CDH13: variants seen among roughly 807,000 people sequenced by gnomAD.
CDH13 encodes the protein cadherin-13.
In CDH13, 24 loss-of-function variants were observed where a neutral mutation model predicts 63.8. The observed-to-expected ratio is 0.38, with a 90% confidence interval of 0.27 to 0.53. The LOEUF is 0.53. Ranked by LOEUF, CDH13 falls within the 20% of genes least tolerant of loss-of-function variation. The probability of loss-of-function intolerance (pLI) is 0.85; values close to 1 mark genes in which losing one functional copy is unlikely to be tolerated. For synonymous variants in CDH13, 503 were observed against 355.3 expected (o/e 1.42, Z -4.67); for missense variants, 1,049 against 903.1 (o/e 1.16, Z -2.07).
chr16:82,942,441 A>T (rs909512251), intron 2 of CDH13, among the ~76,000 whole-genome samples: 6 of 152,196 alleles, frequency 3.9e-5, no homozygotes, highest in African/African-American at 1.4e-4. Context: ...CTATCCTGTT[A>T]TAAGTGCTCT....
rs949367079 is a variant in CDH13 at position 82,685,854 on chromosome 16, G to T, written c.45+58717G>T. On this transcript the variant is annotated intron_variant, in intron 1 of 13. Transcript: ENST00000567109. Reference sequence around the variant, plus strand: ...TCAGAGGTCTTAAAACAGAACCTTTGTTTTAAGCAGAGACAGTCCTCTTTT... The same window carrying T: ...TCAGAGGTCTTAAAACAGAACCTTTTTTTTAAGCAGAGACAGTCCTCTTTT... Among the ~76,000 whole-genome samples the T allele has an allele frequency of 2.8e-4, 42 of 152,178 alleles. 1 individual carries two copies. The highest frequency in any genetic ancestry group is 1.0e-4 in the Non-Finnish European group (7 of 68,030).
chr16:83,375,406 T>C (rs1442905256), intron 6 of CDH13, among the ~76,000 whole-genome samples: 5 of 152,324 alleles, frequency 3.3e-5, no homozygotes, highest in Non-Finnish European at 5.9e-5. Context: ...TCAGTGGCTA[T>C]GGAATCAAAT....
At chr16:83,111,181 A>G (rs1467169116) in intron 3 of CDH13, among the ~76,000 whole-genome samples, 1 of 146,974 alleles carries the variant, frequency 6.8e-6, no homozygotes, top group East Asian at 2.0e-4. Context: ...CAAAAAAAAA[A>G]GAAAAAAATA....
chr16:83,268,287 T>C (rs746244395), intron 5 of CDH13, among the ~76,000 whole-genome samples: 26 of 152,224 alleles, frequency 1.7e-4, no homozygotes, highest in Non-Finnish European at 3.2e-4. Context: ...CATGGAAGTA[T>C]GAACAGAAGA....
chr16:83,325,231 T>C (rs923766071), intron 5 of CDH13, among the ~76,000 whole-genome samples: 1 of 152,152 alleles, frequency 6.6e-6, no homozygotes, highest in Non-Finnish European at 1.5e-5. Flanking sequence ...AAACCAAAAG[T>C]CTCACACTGA....
intron 5 of CDH13, among the ~76,000 whole-genome samples, chr16:83,234,378 G>C (rs899025481): frequency 3.9e-5 from 6 of 152,178 alleles, no homozygotes; most frequent in African/African-American, 1.4e-4. Flanking sequence ...TTAGCAAGAA[G>C]CAGGCCCCAA....
intron 3 of CDH13, among the ~76,000 whole-genome samples, chr16:83,120,745 C>T (rs535655205): frequency 5.1e-5 from 7 of 137,246 alleles, no homozygotes; most frequent in Middle Eastern, 4.0e-3. Flanking sequence ...GTAAATACAA[C>T]GCGCTCTAAT....
chr16:83,364,095 A>T (rs2091214058), intron 6 of CDH13, among the ~76,000 whole-genome samples: 1 of 152,250 alleles, frequency 6.6e-6, no homozygotes, highest in Non-Finnish European at 1.5e-5. Flanking sequence ...AACATGTTAT[A>T]TAAATGTCAA....
intron 3 of CDH13, among the ~76,000 whole-genome samples, chr16:83,040,075 C>T (rs925029225): frequency 6.6e-6 from 1 of 151,656 alleles, no homozygotes; most frequent in Non-Finnish European, 1.5e-5. Context: ...GCTGAAGGCC[C>T]TCGCTCCCAT....
intron 7 of CDH13, among the ~76,000 whole-genome samples, chr16:83,490,140 T>C (rs747828034): frequency 4.7e-4 from 72 of 152,144 alleles, no homozygotes; most frequent in Non-Finnish European, 2.6e-4. Flanking sequence ...TGGAATCCCA[T>C]TGGGTGACAC....
chr16:83,140,608 C>T (rs1243231915), intron 4 of CDH13, among the ~76,000 whole-genome samples: 1 of 152,162 alleles, frequency 6.6e-6, no homozygotes, highest in Non-Finnish European at 1.5e-5. Flanking sequence ...CGCCTGCCAC[C>T]ATGCCCTGGC....
At chr16:83,240,615 G>T (rs1446466827) in intron 5 of CDH13, among the ~76,000 whole-genome samples, 1 of 144,486 alleles carries the variant, frequency 6.9e-6, no homozygotes, top group African/African-American at 2.6e-5. Context: ...TGTGATGAAA[G>T]AGAGGAGGGT....
chr16:83,168,699 G>C (rs1287899058), intron 4 of CDH13, among the ~76,000 whole-genome samples: 1 of 151,972 alleles, frequency 6.6e-6, no homozygotes, highest in African/African-American at 2.4e-5. Context: ...ATCCATATGA[G>C]TATAATTAAA....
intron 1 of CDH13, among the ~76,000 whole-genome samples, chr16:82,831,254 A>G (rs1235722134): frequency 6.6e-6 from 1 of 152,200 alleles, no homozygotes; most frequent in Non-Finnish European, 1.5e-5. Context: ...TTTGCCAATC[A>G]TTAGCATTTC....
chr16:82,682,959 A>G (rs919397500), intron 1 of CDH13, among the ~76,000 whole-genome samples: 1 of 152,088 alleles, frequency 6.6e-6, no homozygotes, highest in African/African-American at 2.4e-5. Flanking sequence ...CTAGGAACAC[A>G]CTATCTCCAG....
chr16:82,689,982 T>TTAAAAAAAAA (rs1915474757), intron 1 of CDH13, among the ~76,000 whole-genome samples: 2 of 15,772 alleles, frequency 1.3e-4, no homozygotes, highest in Non-Finnish European at 2.2e-4. Flanking sequence ...CCATCTCTAC[T>TTAAAAAAAAA]AAAAAAAAAA....
At chr16:83,372,501 C>G (rs1274401024) in intron 6 of CDH13, among the ~76,000 whole-genome samples, 1 of 152,004 alleles carries the variant, frequency 6.6e-6, no homozygotes, top group Non-Finnish European at 1.5e-5. Flanking sequence ...TGCCTGTTAT[C>G]CTAGCACTTT....
At chr16:82,728,775 A>C (rs917809864) in intron 1 of CDH13, among the ~76,000 whole-genome samples, 8 of 152,148 alleles carry the variant, frequency 5.3e-5, no homozygotes, top group African/African-American at 1.9e-4. Context: ...TTTCTGTAAA[A>C]ATTTTGTATA....
chr16:82,936,383 G>C (rs2042668127), intron 2 of CDH13, among the ~76,000 whole-genome samples: 1 of 152,102 alleles, frequency 6.6e-6, no homozygotes, highest in Non-Finnish European at 1.5e-5. Flanking sequence ...GTACATGCCA[G>C]GGATCTAGAT....
Sources: allele counts gnomAD v4.1 joint callset (sites outside exome capture counted in the v4.1 genomes callset), GRCh38; gene constraint gnomAD v4.1.1; transcripts MANE v1.5; gene names NCBI Gene and HGNC (gene_info 2026-07-23, HGNC 2026-07-21).